POLR3E: variants seen among roughly 807,000 people sequenced by gnomAD.
The protein encoded by POLR3E is DNA-directed RNA polymerase III subunit RPC5.
POLR3E carries 41 observed loss-of-function variants against 96.6 expected under a neutral mutation model. The ratio of observed to expected loss-of-function variants is 0.42; its 90% CI spans 0.33 to 0.55. POLR3E has a LOEUF of 0.55. Ranked by LOEUF, POLR3E falls within the 20% of genes least tolerant of loss-of-function variation. The pLI is 0.06. For synonymous variants in POLR3E, 396 were observed against 383.6 expected (o/e 1.03, Z -0.38); for missense variants, 849 against 952.1 (o/e 0.89, Z 1.43).
intron 19 of POLR3E, among the ~76,000 whole-genome samples, chr16:22,330,410 T>G (rs2048712660): frequency 6.6e-6 from 1 of 152,168 alleles, no homozygotes; most frequent in Non-Finnish European, 1.5e-5. Flanking sequence ...TTGGCTATCA[T>G]TGTTTATAGC....
chr16:22,327,743 T>TATTA (rs1464046793), intron 18 of POLR3E: 2 of 152,254 alleles, frequency 1.3e-5, no homozygotes, highest in Non-Finnish European at 2.9e-5. Flanking sequence ...TTCTGCTGCT[T>TATTA]ATTAGCTGTG....
intron 2 of POLR3E, among the ~76,000 whole-genome samples, chr16:22,303,322 C>T (rs906879185): frequency 2.0e-5 from 3 of 152,140 alleles, no homozygotes; most frequent in Admixed American, 6.5e-5. Flanking sequence ...GCCTAGCCCC[C>T]GTCATCCCCT....
Position 22,308,227 on chromosome 16 carries a change from TG to T in POLR3E, c.165+6del. 6.2e-7 allele frequency: 1 copy of T among 1,611,728 alleles called. No homozygotes were observed. Among genetic ancestry groups the T allele is most frequent in the Non-Finnish European group, 8.5e-7 (1 of 1,178,316 alleles). ...AAGATCAAGCCCAAGCAGCAGAAGGTGGGGCTGCCCCCTGAGGGCAGTTGGG... is the reference window on the plus strand; with the variant it reads ...AAGATCAAGCCCAAGCAGCAGAAGGTGGGCTGCCCCCTGAGGGCAGTTGGG... On this transcript the variant is annotated splice_donor_region_variant and intron_variant, in intron 4 of 20. Transcript: ENST00000299853.
chr16:22,297,717 C>T (rs2047923583), intron 1 of POLR3E, among the ~76,000 whole-genome samples, 180 bp downstream of exon 1: 2 of 152,256 alleles, frequency 1.3e-5, no homozygotes, highest in Admixed American at 1.3e-4. Context: ...CGACCCCGGA[C>T]TCTGACTTCC....
intron 2 of POLR3E, among the ~76,000 whole-genome samples, chr16:22,303,638 C>CTTTTTTTTTTTTT (rs1567307592): frequency 8.2e-6 from 1 of 122,548 alleles, no homozygotes; most frequent in African/African-American, 5.1e-5. Flanking sequence ...GGCAGATTTC[C>CTTTTTTTTTTTTT]CTTTTTTTTT....
intron 9 of POLR3E, among the ~76,000 whole-genome samples, chr16:22,315,725 G>A (rs1328935341): frequency 6.6e-6 from 1 of 152,114 alleles, no homozygotes; most frequent in East Asian, 1.9e-4. Flanking sequence ...AGGCTGGAGT[G>A]CAGTGGCTCG....
At chr16:22,297,815 G>A (rs1191940753) in intron 1 of POLR3E, among the ~76,000 whole-genome samples, 1 of 152,250 alleles carries the variant, frequency 6.6e-6, no homozygotes, top group Non-Finnish European at 1.5e-5. Context: ...ATCCGGGCCT[G>A]GGAGGCCTCC....
At position 22,325,259 on chromosome 16, in the gene POLR3E, A is replaced by G; in HGVS notation, c.1341A>G (p.Ala447=). The change falls in exon 17 of 21, where the codon GCA becomes GCG. Residue 447 remains alanine (A), a synonymous_variant. Transcript: ENST00000299853. ...VKETMPKKPD[A]QSGPAGLVCG... ...AAACCATGCCAAAGAAGCCGGATGC[A>G]CAATCAGGTGTGTGAGGGGCTTTGG... The G allele has an allele frequency of 2.5e-6, 4 of 1,613,488 alleles. No individual in the cohort carries two copies. The highest frequency in any genetic ancestry group is 3.4e-6 in the Non-Finnish European group (4 of 1,179,428).
intron 3 of POLR3E, among the ~76,000 whole-genome samples, chr16:22,306,976 C>T (rs1437792288): frequency 1.3e-5 from 2 of 152,206 alleles, no homozygotes; most frequent in African/African-American, 2.4e-5. Flanking sequence ...CCTTATGGGC[C>T]GTGGGAATGG....
chr16:22,300,035 C>T (rs17775543), intron 1 of POLR3E, among the ~76,000 whole-genome samples: 2,872 of 152,296 alleles, frequency 0.019, 43 homozygotes, highest in Non-Finnish European at 0.027. Flanking sequence ...TTTCCAAAGA[C>T]TCACTGTTGC....
In POLR3E at chr16:22,322,890, G is replaced by A. The variant is rs150257924; in HGVS notation, c.1027G>A (p.Gly343Ser). ...YPKDSSSPHS[G>S]VPAEVLCRGR... The stretch of plus-strand genomic sequence containing the variant: ...CAAGGACTCGTCCAGCCCTCACAGC[G>A]GCGTGCCTGCTGAGGTGCTCTGCAG... Residue 343 changes from glycine to serine, a missense_variant, in exon 14 of 21, where the codon GGC becomes AGC. Physicochemically the swap from Gly to Ser is moderately conservative, Grantham distance 56. Coordinates refer to ENST00000299853, the MANE Select transcript of POLR3E (RefSeq NM_018119.4). The surrounding 1 kb of genome is among the most constrained non-coding windows in gnomAD (Gnocchi z 5.2). 1.3e-4 allele frequency: 211 copies of A among 1,613,432 alleles called. No individual in the cohort carries two copies. In the Middle Eastern group the frequency reaches 2.0e-3, roughly 15 times the overall value.
chr16:22,312,542 G>T (rs2048267703), intron 6 of POLR3E, among the ~76,000 whole-genome samples: 2 of 151,656 alleles, frequency 1.3e-5, no homozygotes, highest in Non-Finnish European at 2.9e-5. Flanking sequence ...GGACTATATG[G>T]TACGTGAGTC....
intron 20 of POLR3E, 124 bp from the exon 21 acceptor site, chr16:22,333,520 C>T: frequency 5.8e-6 from 4 of 687,474 alleles, no homozygotes; most frequent in Non-Finnish European, 7.9e-6. Context: ...TATGGTTAGG[C>T]AGTTTTTGAT....
rs2048494806 is a variant in POLR3E at position 22,322,719 on chromosome 16, G to A, written c.987-131G>A. ...TGTTCACAGATGTGGCTCCTAAGGG[G>A]AGGTCTTGGGGCTCAGGCCTGTACC... On this transcript the variant is annotated intron_variant, in intron 13 of 20. Transcript: ENST00000299853. The surrounding 1 kb of genome is among the most constrained non-coding windows in gnomAD (Gnocchi z 5.2). The A allele has an allele frequency of 3.1e-5, 19 of 622,670 alleles. No individual in the cohort carries two copies. In the South Asian group the frequency reaches 3.3e-4, roughly 11 times the overall value. 38.6% of individuals were successfully genotyped at this position (622,670 alleles called of 1,614,324 possible).
In POLR3E at chr16:22,316,689, G is replaced by A; in HGVS notation, c.728+3G>A. On this transcript the variant is annotated splice_donor_region_variant and intron_variant, in intron 10 of 20. Coordinates refer to ENST00000299853, the MANE Select transcript of POLR3E (RefSeq NM_018119.4). ...ACGGAGCTCGTCAAGTCACCCAGGT[G>A]GGATGGGCTGGGCCAGCATGCAAAC... is the stretch of plus-strand genomic sequence containing the variant. The A allele has an allele frequency of 1.9e-6, 3 of 1,611,950 alleles. No individual in the cohort carries two copies. Among genetic ancestry groups the A allele is most frequent in the Non-Finnish European group, 2.5e-6 (3 of 1,178,074 alleles).
chr16:22,314,904 TGGCGTGTGCA>T, intron 8 of POLR3E, 175 bp from the exon 9 acceptor site: 1 of 562,612 alleles, frequency 1.8e-6, no homozygotes, highest in African/African-American at 1.9e-5. Flanking sequence ...AGCCGTTCCC[TGGCGTGTGCA>T]GGCAGCTCTG....
At chr16:22,298,595 G>A (rs1183704728) in intron 1 of POLR3E, among the ~76,000 whole-genome samples, 4 of 152,134 alleles carry the variant, frequency 2.6e-5, no homozygotes, top group South Asian at 2.1e-4. Context: ...TCGGGTCCAA[G>A]CTCTTACCCA....
At chr16:22,314,225 G>T in intron 8 of POLR3E, 97 bp downstream of exon 8, 2 of 939,324 alleles carry the variant, frequency 2.1e-6, no homozygotes, top group Non-Finnish European at 1.7e-6. Context: ...AGGTGGAGCA[G>T]ACAGGGCCCA....
chr16:22,311,701 G>A (rs757215477), intron 6 of POLR3E, among the ~76,000 whole-genome samples: 33 of 151,854 alleles, frequency 2.2e-4, no homozygotes, highest in Non-Finnish European at 3.7e-4. Flanking sequence ...TTGCTATGTT[G>A]CCCAGGCTGG....
Sources: allele counts gnomAD v4.1 joint callset (sites outside exome capture counted in the v4.1 genomes callset), GRCh38; gene constraint gnomAD v4.1.1; non-coding constraint Gnocchi (gnomAD v3.1); transcripts MANE v1.5; gene names NCBI Gene and HGNC (gene_info 2026-07-23, HGNC 2026-07-21).